Variants in TAS2R1 observed in about 807,000 individuals in gnomAD.
TAS2R1 encodes the protein taste 2 receptor member 1.
For missense variants in TAS2R1, 370 were observed against 353.4 expected, an observed-to-expected ratio of 1.05 and a Z score of -0.38; for synonymous variants, 141 against 134.2, an observed-to-expected ratio of 1.05 and a Z score of -0.35.
chr5:9,759,853 T>G, the TAS2R1 span, among the ~76,000 whole-genome samples: 1 of 151,486 alleles, frequency 6.6e-6, no homozygotes, highest in African/African-American at 2.4e-5. Flanking sequence ...CTTTTACCCA[T>G]TCCTCTTGCT....
At position 9,629,588 on chromosome 5, in the gene TAS2R1, C is replaced by G. The variant is rs1175981370; in HGVS notation, c.445G>C (p.Gly149Arg). ...CTTAGGAAGTATGGGACCATAAACC[C>G]TGCATATTTGCTATGGAAAACACAA... ...MICVFHSKYA[G>R]FMVPYFLRKF... Residue 149 changes from glycine (G) to arginine (R), a missense_variant, in exon 1 of 1, where the codon GGG becomes CGG. Physicochemically the swap from Gly to Arg is moderately radical, Grantham distance 125 (BLOSUM62 -2). Coordinates refer to ENST00000382492, the MANE Select transcript of TAS2R1 (RefSeq NM_019599.3). The G allele has an allele frequency of 6.2e-7, 1 of 1,614,134 alleles. No individual in the cohort carries two copies.
At chr5:9,890,462 A>G in the TAS2R1 span, among the ~76,000 whole-genome samples, 1 of 152,072 alleles carries the variant, frequency 6.6e-6, no homozygotes, top group East Asian at 1.9e-4. Flanking sequence ...CTCACTTTGT[A>G]ATCATTATTA....
At chr5:9,863,355 T>G in the TAS2R1 span, among the ~76,000 whole-genome samples, 1 of 143,466 alleles carries the variant, frequency 7.0e-6, no homozygotes, top group Non-Finnish European at 1.5e-5. Flanking sequence ...ACTGCAAAGC[T>G]CTGCCTCCTG....
Position 9,628,113 on chromosome 5 carries a change from A to G in TAS2R1, c.*1020T>C, listed in dbSNP as rs1354420466. On this transcript the variant is annotated 3_prime_UTR_variant, in exon 1 of 1. Coordinates refer to ENST00000382492, the MANE Select transcript of TAS2R1 (RefSeq NM_019599.3). ...AGCTGTTTTGGAAATATACAAGTAT[A>G]TCTATCTCCATAATTTATCTATCTA... Among the ~76,000 whole-genome samples, 1 of 149,822 alleles carries G rather than the reference A, an allele frequency of 6.7e-6. No individual in the cohort carries two copies. The highest frequency in any genetic ancestry group is 2.5e-5 in the African/African-American group (1 of 40,598).
upstream of TAS2R1, among the ~76,000 whole-genome samples, chr5:9,717,217 G>A (rs762993039): frequency 1.3e-5 from 2 of 152,134 alleles, no homozygotes; most frequent in Non-Finnish European, 2.9e-5. Context: ...GAGAGTGGGT[G>A]GGGCCAGAAG....
the TAS2R1 span, among the ~76,000 whole-genome samples, chr5:9,786,473 G>A: frequency 6.6e-6 from 1 of 152,204 alleles, no homozygotes; most frequent in Admixed American, 6.5e-5. Context: ...AGTAAGTGGT[G>A]CCTAGAATTT....
chr5:9,808,097 T>C, the TAS2R1 span, among the ~76,000 whole-genome samples: 1 of 151,998 alleles, frequency 6.6e-6, no homozygotes, highest in African/African-American at 2.4e-5. Context: ...AAGATTGCCA[T>C]GAAAGGACTA....
the TAS2R1 span, among the ~76,000 whole-genome samples, chr5:9,837,097 T>G: frequency 2.6e-5 from 4 of 152,188 alleles, no homozygotes; most frequent in Admixed American, 2.6e-4. Flanking sequence ...AGAACTTCCC[T>G]GGAATACTGT....
intron 2 of TAS2R1, among the ~76,000 whole-genome samples, chr5:9,652,819 GAT>G (rs1740332896): frequency 1.3e-5 from 2 of 152,094 alleles, no homozygotes; most frequent in Admixed American, 1.3e-4. Context: ...GTGCAAATGA[GAT>G]ATGCATTTTT....
chr5:9,789,341 C>T, the TAS2R1 span, among the ~76,000 whole-genome samples: 1 of 152,196 alleles, frequency 6.6e-6, no homozygotes, highest in African/African-American at 2.4e-5. Flanking sequence ...GAAGGATATA[C>T]ATACAGAGTC....
intron 1 of TAS2R1, among the ~76,000 whole-genome samples, chr5:9,694,150 C>T (rs1333444134): frequency 6.6e-6 from 1 of 152,030 alleles, no homozygotes; most frequent in Non-Finnish European, 1.5e-5. Flanking sequence ...AAAATTAAGA[C>T]ACAAACCAAT....
At chr5:9,847,576 CAAAAA>C in the TAS2R1 span, among the ~76,000 whole-genome samples, 1 of 152,188 alleles carries the variant, frequency 6.6e-6, no homozygotes, top group African/African-American at 2.4e-5. Flanking sequence ...AAAATACTAA[CAAAAA>C]TATACTCTCA....
the TAS2R1 span, among the ~76,000 whole-genome samples, chr5:9,735,648 C>T: frequency 2.0e-5 from 3 of 152,172 alleles, no homozygotes; most frequent in Non-Finnish European, 4.4e-5. Flanking sequence ...CACCCCCCAC[C>T]ATGGTGAAAA....
chr5:9,739,705 AC>A, the TAS2R1 span, among the ~76,000 whole-genome samples: 1 of 152,214 alleles, frequency 6.6e-6, no homozygotes, highest in East Asian at 1.9e-4. Flanking sequence ...TTCAACGCTT[AC>A]GCTCTCTTTC....
the TAS2R1 span, among the ~76,000 whole-genome samples, chr5:9,811,687 C>T: frequency 6.6e-6 from 1 of 152,156 alleles, no homozygotes; most frequent in Admixed American, 6.5e-5. Flanking sequence ...TAACAACACC[C>T]ACATTCTGAT....
chr5:9,785,189 A>G, the TAS2R1 span, among the ~76,000 whole-genome samples: 1 of 152,052 alleles, frequency 6.6e-6, no homozygotes, highest in Non-Finnish European at 1.5e-5. Flanking sequence ...ATTTGTTGCT[A>G]TGTGTATCCT....
At chr5:9,779,253 C>G in the TAS2R1 span, among the ~76,000 whole-genome samples, 2 of 152,216 alleles carry the variant, frequency 1.3e-5, no homozygotes, top group Non-Finnish European at 2.9e-5. Flanking sequence ...TCCTGCTTAG[C>G]CTTCCACCGT....
the TAS2R1 span, among the ~76,000 whole-genome samples, chr5:9,809,544 AG>A: frequency 1.1e-4 from 16 of 152,260 alleles, no homozygotes; most frequent in Middle Eastern, 3.4e-3. Context: ...GGCCCTCACC[AG>A]AACCCAATCA....
the TAS2R1 span, among the ~76,000 whole-genome samples, chr5:9,770,843 A>G: frequency 1.3e-5 from 2 of 152,176 alleles, no homozygotes; most frequent in African/African-American, 2.4e-5. Context: ...TCTGCAAACA[A>G]GGATAATTTG....
Sources: gnomAD v4.1 joint callset for allele counts (sites outside exome capture counted in the v4.1 genomes callset) on GRCh38, gnomAD v4.1.1 for gene constraint, MANE v1.5 for transcripts, NCBI Gene and HGNC (gene_info 2026-07-23, HGNC 2026-07-21) for gene names.